Variants in SNX29 observed in about 807,000 individuals in gnomAD.
SNX29 encodes the protein sorting nexin-29.
In SNX29, 78 loss-of-function variants were observed where a neutral mutation model predicts 102.1. That is an observed-to-expected ratio of 0.76 (90% CI 0.64 to 0.92). The LOEUF is 0.92. Among genes scored for constraint, SNX29 ranks in the 40% least tolerant of loss-of-function variants. The pLI is 0.00. For synonymous variants in SNX29, 580 were observed against 414.5 expected, an observed-to-expected ratio of 1.40 and a Z score of -4.85; for missense variants, 1,280 against 1,061.7, an observed-to-expected ratio of 1.21 and a Z score of -2.86.
rs957761254 is a variant in SNX29, at chr16:12,216,576, C to T, written c.1678+16893C>T. Reference sequence around the variant, plus strand: ...TCATGTCTTCCTAAGGAAGGTGAGACAGCATTCATTATGCAGCCTGTACTG... The same window carrying T: ...TCATGTCTTCCTAAGGAAGGTGAGATAGCATTCATTATGCAGCCTGTACTG... On this transcript the variant is annotated intron_variant, in intron 14 of 20. Transcript: ENST00000566228. 3.3e-5 allele frequency among the ~76,000 whole-genome samples: 5 copies of T among 152,290 alleles called. No homozygotes were observed. The East Asian group carries it at 7.7e-4, about 24-fold the overall frequency.
chr16:12,079,525 T>A (rs914200352), intron 11 of SNX29, among the ~76,000 whole-genome samples: 2 of 151,874 alleles, frequency 1.3e-5, no homozygotes, highest in South Asian at 2.1e-4. Context: ...AAAAAAAAAA[T>A]TAGCTTTTGT....
intron 11 of SNX29, among the ~76,000 whole-genome samples, chr16:12,122,451 G>A (rs1030356911): frequency 3.9e-5 from 6 of 152,058 alleles, no homozygotes; most frequent in African/African-American, 1.5e-4. Context: ...GACTGCTATA[G>A]CCAGCAAGCC....
intron 19 of SNX29, among the ~76,000 whole-genome samples, chr16:12,519,465 C>G (rs1050213524): frequency 2.0e-5 from 3 of 152,182 alleles, no homozygotes; most frequent in African/African-American, 4.8e-5. Context: ...AATGACTCAT[C>G]ATTAATTTTG....
chr16:12,422,470 T>G (rs1163257238), intron 18 of SNX29, among the ~76,000 whole-genome samples: 1 of 152,202 alleles, frequency 6.6e-6, no homozygotes, highest in South Asian at 2.1e-4. Context: ...GCAAGTAACT[T>G]CTTCCAAATC....
intron 18 of SNX29, among the ~76,000 whole-genome samples, chr16:12,463,144 C>T (rs2086884941): frequency 6.6e-6 from 1 of 152,210 alleles, no homozygotes; most frequent in Admixed American, 6.5e-5. Flanking sequence ...TGCTGCCCGT[C>T]AGCGGTCGTT....
chr16:11,991,059 G>A (rs933367002), intron 1 of SNX29, among the ~76,000 whole-genome samples: 1 of 152,178 alleles, frequency 6.6e-6, no homozygotes, highest in Admixed American at 6.5e-5. Flanking sequence ...AAAGTTTGCT[G>A]ACCCCCATTC....
At chr16:12,351,344 G>C (rs946362606) in intron 15 of SNX29, among the ~76,000 whole-genome samples, 7 of 152,024 alleles carry the variant, frequency 4.6e-5, no homozygotes, top group African/African-American at 1.7e-4. Flanking sequence ...GCCTGAAAAC[G>C]GGTTGTGAGT....
chr16:12,048,496 G>A lies in SNX29; in HGVS notation c.624G>A (p.Lys208=). The A allele has an allele frequency of 6.2e-7, 1 of 1,613,928 alleles. No individual in the cohort carries two copies. Among genetic ancestry groups the A allele is most frequent in the Non-Finnish European group, 8.5e-7 (1 of 1,179,858 alleles). ...ESTQNVTSLL[K]ESTQGVSSLF... ...CGCAGAACGTGACCTCCTTGCTGAA[G>A]GAGTCCACGCAAGGAGTGAGCAGCC... The change falls in exon 7 of 21, where the codon AAG becomes AAA. Residue 208 remains lysine, a synonymous_variant. Transcript: ENST00000566228.
At chr16:12,067,014 AATAAATAAATAAATAAAT>A (rs1321862188) in intron 9 of SNX29, among the ~76,000 whole-genome samples, 4 of 148,644 alleles carry the variant, frequency 2.7e-5, no homozygotes, top group African/African-American at 1.0e-4. Flanking sequence ...TAAATAAATA[AATAAATAAATAAATAAAT>A]AAGCAGGCCA....
intron 20 of SNX29, among the ~76,000 whole-genome samples, chr16:12,567,557 G>A (rs1245418276): frequency 6.6e-6 from 1 of 152,120 alleles, no homozygotes; most frequent in Non-Finnish European, 1.5e-5. Flanking sequence ...GGCTGAGCAA[G>A]AGGATCACTT....
intron 20 of SNX29, chr16:12,556,682 T>G (rs1483718203): frequency 6.6e-6 from 1 of 152,202 alleles, no homozygotes; most frequent in African/African-American, 2.4e-5. Flanking sequence ...AGTAGTCATG[T>G]GTCTGGAGGC....
intron 13 of SNX29, among the ~76,000 whole-genome samples, chr16:12,134,846 G>A (rs1457749016): frequency 6.6e-6 from 1 of 152,184 alleles, no homozygotes; most frequent in Admixed American, 6.5e-5. Flanking sequence ...AGACCAATAG[G>A]ATGTATGTAT....
At chr16:12,295,607 C>T (rs1314377992) in intron 15 of SNX29, among the ~76,000 whole-genome samples, 1 of 152,180 alleles carries the variant, frequency 6.6e-6, no homozygotes, top group Admixed American at 6.5e-5. Context: ...ATTTTCAGTA[C>T]CAAAAACTCA....
At chr16:12,215,378 A>G (rs1166756723) in intron 14 of SNX29, among the ~76,000 whole-genome samples, 1 of 151,920 alleles carries the variant, frequency 6.6e-6, no homozygotes, top group Non-Finnish European at 1.5e-5. Flanking sequence ...AGTCCCCTCC[A>G]TGCACTCTAT....
At chr16:12,510,543 C>T (rs1419996217) in intron 19 of SNX29, among the ~76,000 whole-genome samples, 2 of 152,130 alleles carry the variant, frequency 1.3e-5, no homozygotes, top group East Asian at 3.9e-4. Context: ...CGTTATGGCA[C>T]CGGCCTGTAG....
intron 1 of SNX29, among the ~76,000 whole-genome samples, chr16:11,985,658 G>A (rs1032382480): frequency 2.0e-5 from 3 of 152,136 alleles, no homozygotes; most frequent in Admixed American, 6.6e-5. Flanking sequence ...TCTGGAGCCT[G>A]TGGCTGGGAG....
At chr16:12,154,562 T>C (rs1420266899) in intron 13 of SNX29, among the ~76,000 whole-genome samples, 2 of 152,220 alleles carry the variant, frequency 1.3e-5, no homozygotes, top group Admixed American at 6.5e-5. Flanking sequence ...CGTCTCCAAC[T>C]CTTCATCCTC....
chr16:12,162,290 C>T (rs830700), intron 13 of SNX29, among the ~76,000 whole-genome samples: 63,277 of 152,100 alleles, frequency 0.42, 16,765 homozygotes, highest in African/African-American at 0.76. Context: ...ATCCTAGTAC[C>T]ATGCGTCATT....
intron 18 of SNX29, among the ~76,000 whole-genome samples, chr16:12,427,108 A>G (rs1187853926): frequency 2.0e-5 from 3 of 152,224 alleles, no homozygotes; most frequent in African/African-American, 7.2e-5. Context: ...ATATTAGCAT[A>G]GGAAAAGACA....
Sources: gnomAD v4.1 joint callset for allele counts (sites outside exome capture counted in the v4.1 genomes callset) on GRCh38, gnomAD v4.1.1 for gene constraint, MANE v1.5 for transcripts, NCBI Gene and HGNC (gene_info 2026-07-23, HGNC 2026-07-21) for gene names.